NALCN: variants seen among roughly 807,000 people sequenced by gnomAD.
NALCN encodes the protein sodium leak channel, non-selective, also known as sodium leak channel NALCN.
Under a neutral mutation model 225.3 loss-of-function variants are expected in NALCN, and 111 were observed. The observed-to-expected ratio is 0.49, with a 90% CI of 0.42 to 0.58. NALCN has a LOEUF of 0.58. Among genes scored for constraint, NALCN ranks in the 20% least tolerant of loss-of-function variants. The pLI is 0.00. For synonymous variants in NALCN, 764 were observed against 769.0 expected (o/e 0.99, Z 0.11); for missense variants, 1,378 against 2,202.4 (o/e 0.63, Z 7.49).
chr13:101,166,842 G>T (rs2038462693), intron 15 of NALCN, among the ~76,000 whole-genome samples: 1 of 152,100 alleles, frequency 6.6e-6, no homozygotes, highest in East Asian at 1.9e-4. Context: ...GGAGCTTTAT[G>T]GTTTTAGGTC....
At chr13:101,226,034 C>A (rs188719112) in intron 13 of NALCN, among the ~76,000 whole-genome samples, 27 of 152,154 alleles carry the variant, frequency 1.8e-4, no homozygotes, top group African/African-American at 6.3e-4. Flanking sequence ...AATATACCAC[C>A]CCTCTTCCTT....
Position 101,062,077 on chromosome 13 carries a change from T to C in NALCN, c.4646A>G (p.Gln1549Arg). The C allele has an allele frequency of 6.2e-7, 1 of 1,614,142 alleles. No individual in the cohort carries two copies. The change falls in exon 41 of 44, where the codon CAG becomes CGG. Residue 1549 changes from glutamine to arginine, a missense_variant. Physicochemically the swap from Gln to Arg is conservative, Grantham distance 43. Coordinates refer to ENST00000251127, the MANE Select transcript of NALCN (RefSeq NM_052867.4). ...CTCCCTCGCCAGGAGTTCCTCCAGC[T>C]GCAAGCTCTTCCGGATGTCCACGGA... ...YRSVDIRKSL[Q>R]LEELLAREQL...
At chr13:101,341,299 AAAG>A (rs1230618970) in intron 7 of NALCN, among the ~76,000 whole-genome samples, 6 of 152,304 alleles carry the variant, frequency 3.9e-5, no homozygotes, top group Admixed American at 3.9e-4. Flanking sequence ...AAATATTCAG[AAAG>A]AGCTTGACCC....
In NALCN at chr13:101,059,960, T is replaced by G. The variant is rs2031715122; in HGVS notation, c.4763A>C (p.Gln1588Pro). 6.2e-7 allele frequency: 1 copy of G among 1,613,940 alleles called. No individual in the cohort carries two copies. The highest frequency in any genetic ancestry group is 8.5e-7 in the Non-Finnish European group (1 of 1,179,994). ...GCTGTGGATGATACTGCACGACTGC[T>G]GCTGTTTCTATGGAAATGCGATTGT... ...KCLKRIRAKQ[Q>P]QSCSIIHSLR... Residue 1588 changes from glutamine to proline, a missense_variant, in exon 42 of 44, where the codon CAG becomes CCG. This residue lies in a region of NALCN where 94 missense variants were observed against 170.3 expected (regional missense o/e 0.55). Coordinates refer to ENST00000251127, the MANE Select transcript of NALCN (RefSeq NM_052867.4).
chr13:101,080,981 G>T (rs552618954), intron 34 of NALCN, among the ~76,000 whole-genome samples: 2 of 152,160 alleles, frequency 1.3e-5, no homozygotes, highest in South Asian at 4.1e-4. Flanking sequence ...AGGTAAAATA[G>T]TGAGAACACA....
chr13:101,261,442 A>G (rs1021581254), intron 10 of NALCN, among the ~76,000 whole-genome samples: 4 of 152,192 alleles, frequency 2.6e-5, no homozygotes, highest in Admixed American at 1.3e-4. Context: ...TGCTTTGGGT[A>G]GTATGAACAT....
At chr13:101,150,114 T>A (rs1156317620) in intron 15 of NALCN, among the ~76,000 whole-genome samples, 1 of 151,558 alleles carries the variant, frequency 6.6e-6, no homozygotes, top group Non-Finnish European at 1.5e-5. Context: ...CAACATAACA[T>A]TGAGTGAAGG....
At chr13:101,367,709 T>C (rs1356773404) in intron 6 of NALCN, among the ~76,000 whole-genome samples, 1 of 152,176 alleles carries the variant, frequency 6.6e-6, no homozygotes, top group Non-Finnish European at 1.5e-5. Context: ...GAAGGTTACA[T>C]GTACATTTTC....
intron 16 of NALCN, among the ~76,000 whole-genome samples, chr13:101,144,072 G>A (rs557853975): frequency 9.9e-5 from 15 of 152,048 alleles, no homozygotes; most frequent in Non-Finnish European, 2.1e-4. Context: ...ACCCCCCACA[G>A]AATTATTTTT....
intron 10 of NALCN, 123 bp from the exon 11 acceptor site, chr13:101,258,697 G>T: frequency 7.4e-7 from 1 of 1,356,082 alleles, no homozygotes; most frequent in Non-Finnish European, 1.0e-6. Flanking sequence ...GGGCTTCCAA[G>T]ATAAAGCCAT....
chr13:101,373,916 T>C (rs2046611409), intron 6 of NALCN, among the ~76,000 whole-genome samples: 1 of 152,098 alleles, frequency 6.6e-6, no homozygotes, highest in African/African-American at 2.4e-5. Flanking sequence ...TCAAGACATA[T>C]ATAATAAATA....
intron 17 of NALCN, among the ~76,000 whole-genome samples, chr13:101,134,173 AAAAC>A (rs1303899036): frequency 1.3e-4 from 19 of 151,806 alleles, no homozygotes; most frequent in Admixed American, 3.3e-4. Flanking sequence ...CTGTCTCAAA[AAAAC>A]AAACAAACAA....
chr13:101,150,001 A>C (rs190718845), intron 15 of NALCN, among the ~76,000 whole-genome samples: 1 of 152,328 alleles, frequency 6.6e-6, no homozygotes, highest in Admixed American at 6.5e-5. Context: ...CAAAATGTGA[A>C]CTGTCCAAAT....
intron 15 of NALCN, among the ~76,000 whole-genome samples, chr13:101,173,108 C>T (rs1373093106): frequency 1.3e-5 from 2 of 152,212 alleles, no homozygotes; most frequent in Non-Finnish European, 2.9e-5. Context: ...AAGACTGTAA[C>T]TCCAGTGGCT....
intron 4 of NALCN, 53 bp from the exon 5 acceptor site, chr13:101,377,109 A>G: frequency 6.2e-7 from 1 of 1,609,274 alleles, no homozygotes; most frequent in Non-Finnish European, 8.5e-7. Context: ...AGCATTGCTT[A>G]TAGTCATGGA....
Position 101,292,468 on chromosome 13 carries a change from A to G in NALCN, c.800-102T>C, listed in dbSNP as rs948174766. On this transcript the variant is annotated intron_variant, in intron 7 of 43. Coordinates refer to ENST00000251127, the MANE Select transcript of NALCN (RefSeq NM_052867.4). This position sits in a 1 kb window ranked among gnomAD's most constrained non-coding sequence, Gnocchi z 4.3. ...ATATTTATCCATACTTATTTTCTCA[A>G]TGACAAAAGTGCTTCAAAAATTGAT... The G allele has an allele frequency of 4.0e-6, 5 of 1,235,560 alleles. No homozygotes were observed. Among genetic ancestry groups the G allele is most frequent in the Non-Finnish European group, 5.5e-6 (5 of 908,744 alleles). 76.5% of individuals were successfully genotyped at this position (1,235,560 alleles called of 1,614,324 possible).
In NALCN at chr13:101,300,361, T is replaced by TC. The variant is rs1214839241; in HGVS notation, c.800-7996dup. Among the ~76,000 whole-genome samples the TC allele has an allele frequency of 3.8e-3, 242 of 63,400 alleles. 1 individual carries two copies. Among genetic ancestry groups the TC allele is most frequent in the South Asian group, 8.6e-3 (13 of 1,520 alleles). The allele number at this position is 63,400 out of a possible 152,430, so 41.6% of individuals were successfully genotyped here. The stretch of plus-strand genomic sequence containing the variant: ...CTTCTTTTTCTTTTTCTTCTTTCTT[T>TC]CTTTCTTTCCTTCCTTCCTTCCTTC... On this transcript the variant is annotated intron_variant, in intron 7 of 43. Coordinates refer to ENST00000251127, the MANE Select transcript of NALCN (RefSeq NM_052867.4).
At chr13:101,285,900 C>A (rs555857645) in intron 9 of NALCN, among the ~76,000 whole-genome samples, 2 of 152,166 alleles carry the variant, frequency 1.3e-5, no homozygotes, top group African/African-American at 4.8e-5. Context: ...ACATCCTATA[C>A]TCTCTAATTG....
chr13:101,414,026 C>T (rs1376490734), intron 1 of NALCN, among the ~76,000 whole-genome samples: 3 of 150,392 alleles, frequency 2.0e-5, no homozygotes, highest in Non-Finnish European at 4.4e-5. Context: ...ACTGGGGCTA[C>T]AGGTGTACAC....
Sources: allele counts gnomAD v4.1 joint callset (sites outside exome capture counted in the v4.1 genomes callset), GRCh38; gene constraint gnomAD v4.1.1; regional missense constraint gnomAD v4.1.1; non-coding constraint Gnocchi (gnomAD v3.1); transcripts MANE v1.5; gene names NCBI Gene and HGNC (gene_info 2026-07-23, HGNC 2026-07-21).